The following RARB variants were observed in gnomAD, a reference collection of about 807,000 sequenced individuals.
The protein encoded by RARB is HBV-activated protein.
A neutral mutation model predicts 51.9 loss-of-function variants in RARB; 17 were observed. The ratio of observed to expected loss-of-function variants is 0.33; its 90% confidence interval spans 0.22 to 0.49. RARB has a LOEUF of 0.49. Among genes scored for constraint, RARB ranks in the 20% least tolerant of loss-of-function variants. The pLI is 0.99. For missense variants in RARB, 369 were observed against 550.8 expected, an observed-to-expected ratio of 0.67 and a Z score of 3.30; for synonymous variants, 215 against 195.4, an observed-to-expected ratio of 1.10 and a Z score of -0.84.
At chr3:25,284,134 G>A (rs1413684564) in intron 5 of RARB, among the ~76,000 whole-genome samples, 1 of 152,126 alleles carries the variant, frequency 6.6e-6, no homozygotes, top group Admixed American at 6.5e-5. Context: ...AAATGAGTTT[G>A]GCCTTTGGCC....
chr3:25,087,477 C>A (rs1220115907), intron 3 of RARB, among the ~76,000 whole-genome samples: 1 of 152,080 alleles, frequency 6.6e-6, no homozygotes, highest in Admixed American at 6.6e-5. Context: ...CTTGTATAGC[C>A]TTTTAGCCAT....
chr3:25,559,675 A>G (rs1418389803), intron 3 of RARB, among the ~76,000 whole-genome samples: 1 of 151,888 alleles, frequency 6.6e-6, no homozygotes, highest in African/African-American at 2.4e-5. Flanking sequence ...TGGATGGTTA[A>G]TTGGTTGGAT....
chr3:24,938,941 T>A (rs1443153863), intron 2 of RARB, among the ~76,000 whole-genome samples: 1 of 152,002 alleles, frequency 6.6e-6, no homozygotes, highest in Non-Finnish European at 1.5e-5. Context: ...TTCACATTTA[T>A]CACATTTTGT....
At chr3:25,120,568 T>A (rs1699768327) in intron 3 of RARB, among the ~76,000 whole-genome samples, 2 of 150,648 alleles carry the variant, frequency 1.3e-5, no homozygotes, top group East Asian at 1.9e-4. Context: ...TCTCTCGATA[T>A]GCCTATTAGA....
At chr3:24,830,751 G>A (rs1381665866) in intron 1 of RARB, among the ~76,000 whole-genome samples, 1 of 152,020 alleles carries the variant, frequency 6.6e-6, no homozygotes, top group African/African-American at 2.4e-5. Flanking sequence ...TGAGAGAAGA[G>A]GAAAGAGGTA....
At position 25,543,235 on chromosome 3, in the gene RARB, G is replaced by A. The variant is rs112897291; in HGVS notation, c.449-26523G>A. 9.0e-3 allele frequency among the ~76,000 whole-genome samples: 1,364 copies of A among 152,130 alleles called. 15 individuals are homozygous for A. The highest frequency in any genetic ancestry group is 0.03 in the African/African-American group (1,253 of 41,484). ...ACCTAAAGTATCCATAGAGCTTTGG[G>A]GTCTGAACAGATAAAAGACTTGGCT... is the stretch of plus-strand genomic sequence containing the variant. On this transcript the variant is annotated intron_variant, in intron 3 of 7. Transcript: ENST00000330688.
intron 1 of RARB, among the ~76,000 whole-genome samples, chr3:25,430,462 G>A (rs956040720): frequency 6.6e-6 from 1 of 152,068 alleles, no homozygotes. Flanking sequence ...TTTAACAGAA[G>A]GAAAAAATAT....
rs79005459 is a variant in RARB at position 24,993,815 on chromosome 3, T to C, written c.-379-66310T>C. 3.7e-3 allele frequency among the ~76,000 whole-genome samples: 567 copies of C among 152,280 alleles called. 4 individuals are homozygous for C. Among genetic ancestry groups the C allele is most frequent in the African/African-American group, 0.013 (525 of 41,568 alleles). ...ACATATGATCCTCCAGTTCCATTCA[T>C]TTTGCCACAAAAGACAGGATTTCAT... On this transcript the variant is annotated intron_variant, in intron 2 of 11. Transcript: ENST00000383772.
intron 3 of RARB, among the ~76,000 whole-genome samples, chr3:25,094,399 G>A (rs115358066): frequency 6.6e-6 from 1 of 151,988 alleles, no homozygotes; most frequent in Non-Finnish European, 1.5e-5. Context: ...CCATGAAGAA[G>A]GTAATATCAT....
intron 5 of RARB, among the ~76,000 whole-genome samples, chr3:25,296,501 G>A (rs933743620): frequency 1.1e-4 from 17 of 152,140 alleles, no homozygotes; most frequent in Non-Finnish European, 8.8e-5. Flanking sequence ...GTCGACATGA[G>A]GTTGAAATGA....
chr3:24,918,420 A>G (rs569292963), intron 2 of RARB, among the ~76,000 whole-genome samples: 2 of 152,342 alleles, frequency 1.3e-5, no homozygotes, highest in South Asian at 2.1e-4. Context: ...ATTAACTGCA[A>G]AAGAGAAAGT....
At chr3:24,978,457 T>C (rs1279868354) in intron 2 of RARB, among the ~76,000 whole-genome samples, 3 of 152,208 alleles carry the variant, frequency 2.0e-5, no homozygotes, top group Admixed American at 2.0e-4. Flanking sequence ...ATTCACAGAT[T>C]CTACTTCTTC....
chr3:25,569,471 A>G (rs1700626131), intron 3 of RARB, among the ~76,000 whole-genome samples: 1 of 152,154 alleles, frequency 6.6e-6, no homozygotes, highest in African/African-American at 2.4e-5. Context: ...TCCACAGAAA[A>G]AGTTCTCTCA....
intron 5 of RARB, among the ~76,000 whole-genome samples, chr3:25,236,003 A>C (rs73044261): frequency 1.3e-5 from 2 of 152,094 alleles, no homozygotes; most frequent in Non-Finnish European, 1.5e-5. Flanking sequence ...CCTCAAGTCT[A>C]TATATCCTGA....
intron 4 of RARB, among the ~76,000 whole-genome samples, chr3:25,570,632 G>A (rs1408627203): frequency 6.6e-6 from 1 of 152,242 alleles, no homozygotes; most frequent in Non-Finnish European, 1.5e-5. Context: ...GGTCTAGGTT[G>A]TGCCAGTGGA....
chr3:25,064,945 C>T (rs909545857), intron 3 of RARB, among the ~76,000 whole-genome samples: 1 of 152,208 alleles, frequency 6.6e-6, no homozygotes, highest in Middle Eastern at 3.4e-3. Context: ...TACACTAACC[C>T]AGCTTATGTG....
chr3:25,107,886 T>A (rs1228698708), intron 3 of RARB, among the ~76,000 whole-genome samples: 1 of 152,214 alleles, frequency 6.6e-6, no homozygotes, highest in African/African-American at 2.4e-5. Context: ...TTTTCTTTCC[T>A]TATTAAGTAG....
chr3:25,199,742 A>C (rs1331832607), intron 5 of RARB, among the ~76,000 whole-genome samples: 5 of 152,160 alleles, frequency 3.3e-5, no homozygotes, highest in Non-Finnish European at 7.4e-5. Flanking sequence ...GATGGTTTCC[A>C]GCTTCATCCG....
At chr3:25,515,398 C>T (rs1698112982) in intron 3 of RARB, among the ~76,000 whole-genome samples, 1 of 152,126 alleles carries the variant, frequency 6.6e-6, no homozygotes, top group South Asian at 2.1e-4. Flanking sequence ...ACCAATATGA[C>T]TGAGTGGTTA....
Sources: allele counts gnomAD v4.1 joint callset (sites outside exome capture counted in the v4.1 genomes callset), GRCh38; gene constraint gnomAD v4.1.1; transcripts MANE v1.5; gene names NCBI Gene and HGNC (gene_info 2026-07-23, HGNC 2026-07-21).